ZNF510: variants seen among roughly 807,000 people sequenced by gnomAD.
The protein encoded by ZNF510 is zinc finger protein 510.
A neutral mutation model predicts 18.1 loss-of-function variants in ZNF510; 15 were observed. That is an observed-to-expected ratio of 0.83 (90% confidence interval 0.55 to 1.28). ZNF510 has a LOEUF of 1.28. ZNF510 is among the 50% of genes most tolerant of loss of function. ZNF510 has a pLI of 0.00. For synonymous variants in ZNF510, 261 were observed against 266.4 expected (o/e 0.98, Z 0.20); for missense variants, 724 against 791.8 (o/e 0.91, Z 1.03).
At chr9:96,776,861 C>G (rs1361064861) in intron 1 of ZNF510, among the ~76,000 whole-genome samples, 1 of 152,120 alleles carries the variant, frequency 6.6e-6, no homozygotes, top group African/African-American at 2.4e-5. Context: ...AAGAAGTGAC[C>G]TAAGGCCTTA....
At chr9:96,762,204 T>TAAAAAAA (rs551652153) in intron 5 of ZNF510, among the ~76,000 whole-genome samples, 4 of 99,454 alleles carry the variant, frequency 4.0e-5, no homozygotes, top group East Asian at 5.1e-4. Flanking sequence ...CTGTGGAAAT[T>TAAAAAAA]AAAAAAAAAA....
At chr9:96,760,522 T>G in intron 5 of ZNF510, 45 bp from the exon 6 acceptor site, 1 of 1,513,946 alleles carries the variant, frequency 6.6e-7, no homozygotes, top group South Asian at 1.3e-5. Flanking sequence ...TTACATCTTC[T>G]GTGGGTAGAG....
intron 3 of ZNF510, 105 bp from the exon 4 acceptor site, chr9:96,763,737 C>T (rs748320868): frequency 2.7e-5 from 31 of 1,156,882 alleles, no homozygotes; most frequent in Admixed American, 1.9e-4. Flanking sequence ...AAAGCTTAAA[C>T]GAATGTAAAG....
chr9:96,757,080 A>C lies in ZNF510; in HGVS notation c.*1698T>G, dbSNP rs1849212894. ...TCCCATTGCCAAACCCCATTAGCTA[A>C]ATCTAGGTGTCCTGTACCCCCACAG... On this transcript the variant is annotated 3_prime_UTR_variant, in exon 6 of 6. Coordinates refer to ENST00000223428, the MANE Select transcript of ZNF510 (RefSeq NM_014930.3). 6.6e-6 allele frequency: 1 copy of C among 152,190 alleles called. No individual in the cohort carries two copies. The highest frequency in any genetic ancestry group is 1.5e-5 in the Non-Finnish European group (1 of 68,056). The allele number at this position is 152,190 out of a possible 1,614,324, so 9.4% of individuals were successfully genotyped here. A position where few individuals can be genotyped will look rare whatever the true frequency, so the allele number is the denominator to read the frequency against.
In ZNF510 at chr9:96,771,684, T is replaced by C. The variant is rs1457724207; in HGVS notation, c.129+3104A>G. On this transcript the variant is annotated intron_variant, in intron 3 of 5. Transcript: ENST00000223428. ...AAAGGAAGAAGTAAAATTGTCTTTA[T>C]TGCAAAAAAAATTTTGCACATTTAA... 3.3e-5 allele frequency among the ~76,000 whole-genome samples: 5 copies of C among 152,164 alleles called. No homozygotes were observed. In the South Asian group the frequency reaches 6.2e-4, roughly 19 times the overall value.
At position 96,760,082 on chromosome 9, in the gene ZNF510, A is replaced by G; in HGVS notation, c.748T>C (p.Leu250=). The G allele has an allele frequency of 6.2e-7, 1 of 1,610,810 alleles. No homozygotes were observed. Among genetic ancestry groups the G allele is most frequent in the Non-Finnish European group, 8.5e-7 (1 of 1,178,808 alleles). The part of the protein sequence containing the change: ...NLPKHPKFQT[L]EQAFECNKIG... ...TTATTACATTCAAAAGCTTGCTCCA[A>G]AGTTTGAAACTTTGGATGCTTGGGA... Residue 250 remains leucine (L), a synonymous_variant, in exon 6 of 6, where the codon TTG becomes CTG. Transcript: ENST00000223428.
rs1174415333 is a variant in ZNF510, at chr9:96,755,366, G to A, written c.*3412C>T. Among the ~76,000 whole-genome samples, 1 of 152,206 alleles carries A rather than the reference G, an allele frequency of 6.6e-6. No homozygotes were observed. Among genetic ancestry groups the A allele is most frequent in the Non-Finnish European group, 1.5e-5 (1 of 68,040 alleles). ...AAGTATTACAAAAACAGAGTAAACA[G>A]TGATGTTTTGATTCTCAGGGACTAA... On this transcript the variant is annotated 3_prime_UTR_variant, in exon 6 of 6. Transcript: ENST00000223428.
rs1310048445 is a variant in ZNF510, at chr9:96,755,564, C to G, written c.*3214G>C. Among the ~76,000 whole-genome samples the G allele has an allele frequency of 6.6e-6, 1 of 152,082 alleles. No individual in the cohort carries two copies. Among genetic ancestry groups the G allele is most frequent in the Non-Finnish European group, 1.5e-5 (1 of 68,022 alleles). ...CCTATGATATTCTATTTCTTAAGTCCTAAGATGTATTCTTTTTCCAAACTT... is the reference window on the plus strand; with the variant it reads ...CCTATGATATTCTATTTCTTAAGTCGTAAGATGTATTCTTTTTCCAAACTT... On this transcript the variant is annotated 3_prime_UTR_variant, in exon 6 of 6. Transcript: ENST00000223428.
chr9:96,763,583 C>T lies in ZNF510; in HGVS notation c.179G>A (p.Trp60Ter). The change falls in exon 4 of 6, where the codon TGG becomes TAG. Residue 60 changes from tryptophan to a stop codon, truncating the protein, a stop_gained. Transcript: ENST00000223428. LOFTEE classifies it high-confidence loss of function. ...DVTIEFTQEE[W>*]QQMAPVQKNL... Reference sequence around the variant, plus strand: ...CTTCTGAACAGGGGCCATTTGCTGCCACTCCTCCTGGGTGAATTCTATAGT... The same window carrying T: ...CTTCTGAACAGGGGCCATTTGCTGCTACTCCTCCTGGGTGAATTCTATAGT... The T allele has an allele frequency of 6.2e-7, 1 of 1,613,486 alleles. No homozygotes were observed. The highest frequency in any genetic ancestry group is 1.1e-5 in the South Asian group (1 of 90,990).
chr9:96,775,933 G>C, intron 2 of ZNF510, 67 bp downstream of exon 2: 3 of 1,549,768 alleles, frequency 1.9e-6, no homozygotes, highest in Non-Finnish European at 2.6e-6. Flanking sequence ...ATGGAGAAAA[G>C]CCCTCCAGTA....
At chr9:96,775,118 G>A (rs886359190) in intron 2 of ZNF510, among the ~76,000 whole-genome samples, 5 of 151,576 alleles carry the variant, frequency 3.3e-5, no homozygotes, top group African/African-American at 7.3e-5. Flanking sequence ...GGAGTGCAGC[G>A]GTGTGATCTC....
At position 96,760,310 on chromosome 9, in the gene ZNF510, A is replaced by C; in HGVS notation, c.520T>G (p.Cys174Gly). 6.2e-7 allele frequency: 1 copy of C among 1,613,852 alleles called. No homozygotes were observed. Among genetic ancestry groups the C allele is most frequent in the South Asian group, 1.1e-5 (1 of 91,052 alleles). ...TTCACTTCCCATGAGTTGCATTTGCAGGACATTTTTGTTGAAGCAACAGCA... is the reference window on the plus strand; with the variant it reads ...TTCACTTCCCATGAGTTGCATTTGCCGGACATTTTTGTTGAAGCAACAGCA... ...VAAVASTKMS[C>G]KCNSWEVNLQ... Residue 174 changes from cysteine to glycine, a missense_variant, in exon 6 of 6, where the codon TGC becomes GGC. Coordinates refer to ENST00000223428, the MANE Select transcript of ZNF510 (RefSeq NM_014930.3).
Position 96,760,024 on chromosome 9 carries a change from C to T in ZNF510, c.806G>A (p.Cys269Tyr). 1 of 1,612,828 alleles carries T rather than the reference C, an allele frequency of 6.2e-7. No individual in the cohort carries two copies. Among genetic ancestry groups the T allele is most frequent in the Non-Finnish European group, 8.5e-7 (1 of 1,179,800 alleles). ...TGTGTGAGAACTGTTATGTTTAACA[C>T]AGTTAGCCTTATCATTAAAGGCTTT... ...IGKAFNDKANCVKHNSSHTGE... is the reference protein window; with the variant it reads ...IGKAFNDKANYVKHNSSHTGE... The change falls in exon 6 of 6, where the codon TGT becomes TAT. Residue 269 changes from cysteine to tyrosine, a missense_variant. Coordinates refer to ENST00000223428, the MANE Select transcript of ZNF510 (RefSeq NM_014930.3).
intron 5 of ZNF510, among the ~76,000 whole-genome samples, chr9:96,761,364 C>A (rs1381766587): frequency 6.6e-6 from 1 of 152,170 alleles, no homozygotes; most frequent in African/African-American, 2.4e-5. Context: ...AAATGCCTAT[C>A]CTTGACAGGT....
At chr9:96,765,560 T>C (rs1849450504) in intron 3 of ZNF510, among the ~76,000 whole-genome samples, 1 of 151,984 alleles carries the variant, frequency 6.6e-6, no homozygotes, top group Admixed American at 6.6e-5. Flanking sequence ...GTTGCCAGGC[T>C]GGAGTGCAGT....
rs756266576 is a variant in ZNF510, at chr9:96,758,314, T to TTC, written c.*463_*464insGA. 5.7e-4 allele frequency: 88 copies of TTC among 154,950 alleles called. No individual in the cohort carries two copies. Among genetic ancestry groups the TTC allele is most frequent in the Middle Eastern group, 6.6e-3 (2 of 304 alleles). The allele number at this position is 154,950 out of a possible 1,614,324, so 9.6% of individuals were successfully genotyped here. On this transcript the variant is annotated 3_prime_UTR_variant, in exon 6 of 6. Transcript: ENST00000223428. ...TTTGTTGTGACAGGGCCCTGGTAAT[T>TTC]TATTAGGGAAGTCTCTTATGTTTCA...
At chr9:96,764,439 A>G (rs1849423144) in intron 3 of ZNF510, among the ~76,000 whole-genome samples, 1 of 152,222 alleles carries the variant, frequency 6.6e-6, no homozygotes. Context: ...AGTGTGAGTC[A>G]CTGTACCTGG....
At chr9:96,772,117 A>C (rs1199125253) in intron 3 of ZNF510, among the ~76,000 whole-genome samples, 1 of 152,182 alleles carries the variant, frequency 6.6e-6, no homozygotes, top group Non-Finnish European at 1.5e-5. Flanking sequence ...TCTACATTAG[A>C]CCCGCATACA....
At chr9:96,772,291 C>G (rs1849599246) in intron 3 of ZNF510, among the ~76,000 whole-genome samples, 1 of 152,084 alleles carries the variant, frequency 6.6e-6, no homozygotes, top group Admixed American at 6.5e-5. Context: ...CTAAAATAAA[C>G]AAGTATGTAG....
Sources: gnomAD v4.1 joint callset for allele counts (sites outside exome capture counted in the v4.1 genomes callset) on GRCh38, gnomAD v4.1.1 for gene constraint, MANE v1.5 for transcripts, NCBI Gene and HGNC (gene_info 2026-07-23, HGNC 2026-07-21) for gene names.